The following CLPS variants were observed in gnomAD, a reference collection of about 807,000 sequenced individuals.
CLPS encodes colipase, pancreatic.
In CLPS, 8 loss-of-function variants were observed where a neutral mutation model predicts 9.3. The observed-to-expected ratio is 0.86, with a 90% CI of 0.51 to 1.56. The LOEUF (loss-of-function observed/expected upper bound fraction) is 1.56. Among genes scored for constraint, CLPS ranks in the 40% most tolerant of loss-of-function variants. CLPS has a pLI of 0.00. For synonymous variants in CLPS, 61 were observed against 56.2 expected, an observed-to-expected ratio of 1.09 and a Z score of -0.39; for missense variants, 144 against 145.7, an observed-to-expected ratio of 0.99 and a Z score of 0.06.
In CLPS at chr6:35,795,453, G is replaced by A. The variant is rs530756680; in HGVS notation, c.208-176C>T. On this transcript the variant is annotated intron_variant, in intron 2 of 2. Coordinates refer to ENST00000259938, the MANE Select transcript of CLPS (RefSeq NM_001832.4). ...AGACCCCAGCTCTGACCTCTGCTCT[G>A]GCTCATTTGCTCTTACTAGCTTGAT... is the stretch of plus-strand genomic sequence containing the variant. 1.9e-3 allele frequency among the ~76,000 whole-genome samples: 285 copies of A among 152,308 alleles called. 2 individuals carry two copies. The highest frequency in any genetic ancestry group is 2.2e-4 in the Non-Finnish European group (15 of 68,024).
rs1768318291 is a variant in CLPS, at chr6:35,795,027, A to T, written c.*119T>A. ...TAATTGTGAAGAGCGCAATCAGAAA[A>T]CAGATATGCTGGTCAAGGAGGTGGC... On this transcript the variant is annotated 3_prime_UTR_variant, in exon 3 of 3. Coordinates refer to ENST00000259938, the MANE Select transcript of CLPS (RefSeq NM_001832.4). 7.2e-7 allele frequency: 1 copy of T among 1,384,158 alleles called. No individual in the cohort carries two copies. The highest frequency in any genetic ancestry group is 9.8e-7 in the Non-Finnish European group (1 of 1,021,432). 85.7% of individuals were successfully genotyped at this position (1,384,158 alleles called of 1,614,324 possible). A position where few individuals can be genotyped will look rare whatever the true frequency, so the allele number is the denominator to read the frequency against.
rs1384658237 is a variant in CLPS at position 35,796,932 on chromosome 6, CA to C, written c.84+272del. ...CTGGTGACAGAGCAAGACTCCGTTT[CA>C]AAAAGAAAAAAAAGAAAAAAAAGGT... On this transcript the variant is annotated intron_variant, in intron 1 of 2. Transcript: ENST00000259938. The C allele has an allele frequency of 7.0e-5, 33 of 469,342 alleles. No homozygotes were observed. The African/African-American group carries it at 7.1e-4, about 10-fold the overall frequency. 29.1% of individuals were successfully genotyped at this position (469,342 alleles called of 1,614,324 possible). A position where few individuals can be genotyped will look rare whatever the true frequency, so the allele number is the denominator to read the frequency against.
chr6:35,795,449 C>T (rs1047877478), intron 2 of CLPS, among the ~76,000 whole-genome samples, 172 bp from the exon 3 acceptor site: 11 of 152,226 alleles, frequency 7.2e-5, no homozygotes, highest in Admixed American at 5.9e-4. Flanking sequence ...CTGACCTCTG[C>T]TCTGGCTCAT....
chr6:35,795,608 A>C lies in CLPS; in HGVS notation c.207+123T>G, dbSNP rs1768338385. ...TGGGAAAGTGCTTTGACACCTGTCG[A>C]CCTCCCTCTCGTCTCCTCAACATTC... is the stretch of plus-strand genomic sequence containing the variant. On this transcript the variant is annotated intron_variant, in intron 2 of 2. Transcript: ENST00000259938. 1.4e-5 allele frequency: 21 copies of C among 1,464,492 alleles called. 1 individual carries two copies. The South Asian group carries it at 2.3e-4, about 16-fold the overall frequency. 90.7% of individuals were successfully genotyped at this position (1,464,492 alleles called of 1,614,324 possible).
intron 1 of CLPS, among the ~76,000 whole-genome samples, chr6:35,796,592 C>T (rs1198209101): frequency 3.3e-5 from 5 of 152,378 alleles, no homozygotes; most frequent in African/African-American, 7.2e-5. Flanking sequence ...GAATGATTGG[C>T]GCAAAGCATT....
intron 2 of CLPS, 28 bp downstream of exon 2, chr6:35,795,703 C>A (rs367947872): frequency 2.5e-5 from 41 of 1,608,624 alleles, no homozygotes; most frequent in Admixed American, 6.7e-5. Context: ...CATTCTCCCC[C>A]ACCCACGCCA....
Position 35,795,720 on chromosome 6 carries a change from C to T in CLPS, c.207+11G>A. 1.2e-6 allele frequency: 2 copies of T among 1,610,814 alleles called. No individual in the cohort carries two copies. Among genetic ancestry groups the T allele is most frequent in the African/African-American group, 2.7e-5 (2 of 75,026 alleles). On this transcript the variant is annotated intron_variant, in intron 2 of 2. Transcript: ENST00000259938. ...TTCTCCCCCACCCACGCCAAGTCCT[C>T]AGGCACCCACCTTGACAGAGCACTC... is the stretch of plus-strand genomic sequence containing the variant.
chr6:35,796,599 C>A (rs1210576978), intron 1 of CLPS, among the ~76,000 whole-genome samples: 1 of 152,264 alleles, frequency 6.6e-6, no homozygotes, highest in African/African-American at 2.4e-5. Flanking sequence ...TGGCGCAAAG[C>A]ATTTTCTCAG....
chr6:35,796,702 G>A lies in CLPS; in HGVS notation c.84+503C>T, dbSNP rs187732452. On this transcript the variant is annotated intron_variant, in intron 1 of 2. Coordinates refer to ENST00000259938, the MANE Select transcript of CLPS (RefSeq NM_001832.4). ...TGTAATCCCAGCACTTTGGGAGGCC[G>A]AGGTGGGCGGATCACGAGGTCAGGA... 1.6e-3 allele frequency: 628 copies of A among 398,900 alleles called. 6 individuals are homozygous for A. The highest frequency in any genetic ancestry group is 0.012 in the African/African-American group (581 of 47,414). 24.7% of individuals were successfully genotyped at this position (398,900 alleles called of 1,614,324 possible).
At chr6:35,796,397 G>A (rs1768369708) in intron 1 of CLPS, among the ~76,000 whole-genome samples, 1 of 152,276 alleles carries the variant, frequency 6.6e-6, no homozygotes, top group South Asian at 2.1e-4. Flanking sequence ...ACCCATGGTG[G>A]AGAGGTGGTG....
In CLPS at chr6:35,795,747, C is replaced by T; in HGVS notation, c.191G>A (p.Ser64Asn). ...GGCACCCACCTTGACAGAGCACTCG[C>T]TGTTCTCGCTGGCCATGGATGTGCA... Reference protein sequence around the residue: ...ARCTSMASENSECSVKTLYGI... With the variant: ...ARCTSMASENNECSVKTLYGI... The change falls in exon 2 of 3, where the codon AGC becomes AAC. Residue 64 changes from serine (S) to asparagine (N), a missense_variant. By Grantham distance (46) the Ser-to-Asn change is conservative. Coordinates refer to ENST00000259938, the MANE Select transcript of CLPS (RefSeq NM_001832.4). 6.2e-7 allele frequency: 1 copy of T among 1,612,682 alleles called. No individual in the cohort carries two copies. The highest frequency in any genetic ancestry group is 8.5e-7 in the Non-Finnish European group (1 of 1,180,006).
chr6:35,796,302 C>T (rs1581961708), intron 1 of CLPS, among the ~76,000 whole-genome samples: 1 of 152,402 alleles, frequency 6.6e-6, no homozygotes, highest in East Asian at 1.9e-4. Context: ...GGTCCTGGAC[C>T]TCCAAGTCCA....
chr6:35,795,909 C>T (rs1768355092), intron 1 of CLPS, 56 bp from the exon 2 acceptor site: 2 of 1,601,812 alleles, frequency 1.2e-6, no homozygotes, highest in East Asian at 2.2e-5. Context: ...CTTCTCCATT[C>T]AGACCTGTAC....
Position 35,795,201 on chromosome 6 carries a change from G to T in CLPS, c.284C>A (p.Ser95Tyr). The T allele has an allele frequency of 6.2e-7, 1 of 1,614,236 alleles. No individual in the cohort carries two copies. Residue 95 changes from serine to tyrosine, a missense_variant, in exon 3 of 3, where the codon TCC becomes TAC. Ser to Tyr is a moderately radical substitution (Grantham distance 144). Coordinates refer to ENST00000259938, the MANE Select transcript of CLPS (RefSeq NM_001832.4). ...TCEGDKTIVGSITNTNFGICH... is the reference protein window; with the variant it reads ...TCEGDKTIVGYITNTNFGICH... ...GATGCCAAAGTTGGTGTTGGTGATG[G>T]AGCCCACGATGGTCTTGTCTCCCTC... is the stretch of plus-strand genomic sequence containing the variant.
chr6:35,797,313 T>A lies in CLPS; in HGVS notation c.-25A>T. ...TGGTGAGTGGGACAGCTGGTGTGGG[T>A]GGCGGGAGACAGAGCCAGCTGTGGT... On this transcript the variant is annotated 5_prime_UTR_variant, in exon 1 of 3. Coordinates refer to ENST00000259938, the MANE Select transcript of CLPS (RefSeq NM_001832.4). 1 of 1,609,198 alleles carries A rather than the reference T, an allele frequency of 6.2e-7. No individual in the cohort carries two copies. The highest frequency in any genetic ancestry group is 1.7e-5 in the Admixed American group (1 of 59,986).
Position 35,797,271 on chromosome 6 carries a change from GA to G in CLPS, c.17del (p.Ile6ThrfsTer30). On this transcript the variant is annotated frameshift_variant, in exon 1 of 3. Transcript: ENST00000259938. LOFTEE classifies it high-confidence loss of function. ...CCACAGAGAGGGCGACAAGCAGGAG[GA>G]TCAGGATCTTCTCCATGGTGAGTGG... is the stretch of plus-strand genomic sequence containing the variant. MEKIL[I>X]LLLVALSVAY... 2 of 1,614,034 alleles carry G rather than the reference GA, an allele frequency of 1.2e-6. No individual in the cohort carries two copies. Among genetic ancestry groups the G allele is most frequent in the East Asian group, 2.2e-5 (1 of 44,878 alleles).
chr6:35,795,124 G>A lies in CLPS; in HGVS notation c.*22C>T. 6.2e-7 allele frequency: 1 copy of A among 1,611,736 alleles called. No homozygotes were observed. The highest frequency in any genetic ancestry group is 1.1e-5 in the South Asian group (1 of 90,576). ...AGTGGCCTACAGCATTCTGGGCTAG[G>A]TGTGGGAGTGGGTGGGCAGTCTCAC... On this transcript the variant is annotated 3_prime_UTR_variant, in exon 3 of 3. Coordinates refer to ENST00000259938, the MANE Select transcript of CLPS (RefSeq NM_001832.4).
At chr6:35,796,836 A>G (rs1019591316) in intron 1 of CLPS, 4 of 459,234 alleles carry the variant, frequency 8.7e-6, no homozygotes, top group Non-Finnish European at 1.7e-5. Context: ...TGGGAGGCTG[A>G]GGCAGGAGAA....
chr6:35,796,895 C>G (rs1347017198), intron 1 of CLPS: 2 of 462,682 alleles, frequency 4.3e-6, no homozygotes, highest in Non-Finnish European at 8.1e-6. Flanking sequence ...GATTGTGCCA[C>G]TACACTCCAG....
Sources: allele counts gnomAD v4.1 joint callset (sites outside exome capture counted in the v4.1 genomes callset), GRCh38; gene constraint gnomAD v4.1.1; transcripts MANE v1.5; gene names NCBI Gene and HGNC (gene_info 2026-07-23, HGNC 2026-07-21).